PRSS41: variants seen among roughly 807,000 people sequenced by gnomAD.
PRSS41 encodes the protein protease, serine 41.
A neutral mutation model predicts 28.8 loss-of-function variants in PRSS41; 37 were observed. The ratio of observed to expected loss-of-function variants is 1.29; its 90% confidence interval spans 0.99 to 1.69. PRSS41 has a LOEUF of 1.69. Among genes scored for constraint, PRSS41 ranks in the 40% most tolerant of loss-of-function variants. The pLI is 0.00. For synonymous variants in PRSS41, 195 were observed against 163.1 expected, an observed-to-expected ratio of 1.20 and a Z score of -1.49; for missense variants, 431 against 400.7, an observed-to-expected ratio of 1.08 and a Z score of -0.65.
chr16:2,799,094 G>A lies in PRSS41; in HGVS notation c.227G>A (p.Trp76Ter), dbSNP rs929713558. 28 of 1,532,092 alleles carry A rather than the reference G, an allele frequency of 1.8e-5. No individual in the cohort carries two copies. In the Admixed American group the frequency reaches 5.6e-4, roughly 31 times the overall value. 94.9% of individuals were successfully genotyped at this position (1,532,092 alleles called of 1,614,324 possible). The change falls in exon 3 of 6, where the codon TGG becomes TAG. Residue 76 changes from tryptophan (W) to a stop codon, truncating the protein, a stop_gained. Coordinates refer to ENST00000399677, the Ensembl canonical transcript of PRSS41. LOFTEE classifies it high-confidence loss of function. ...GGAGGGAGCCTGCTCAGCCGCCGCT[G>A]GGTGCTCTCGGCTGCGCACTGCTTC...
chr16:2,804,867 C>A, intron 5 of PRSS41, 47 bp from the exon 6 acceptor site: 1 of 1,448,972 alleles, frequency 6.9e-7, no homozygotes, highest in Admixed American at 2.0e-5. Context: ...GCCTCTGCTG[C>A]CCCACCCACT....
chr16:2,801,900 C>G (rs1277889570), intron 4 of PRSS41, among the ~76,000 whole-genome samples: 4 of 152,006 alleles, frequency 2.6e-5, no homozygotes, highest in African/African-American at 9.7e-5. Context: ...GGGCTCCTCA[C>G]TTCCCAGTAG....
Position 2,798,556 on chromosome 16 carries a change from C to A in PRSS41, c.64+8C>A, listed in dbSNP as rs1384890833. On this transcript the variant is annotated splice_region_variant and intron_variant, in intron 1 of 5. Coordinates refer to ENST00000399677, the Ensembl canonical transcript of PRSS41. The stretch of plus-strand genomic sequence containing the variant: ...CTGGACTCGGGAAGCCGGGTGAGCT[C>A]GGGGCGCTACAGGCGGGACCGGGGG... 1 of 1,533,232 alleles carries A rather than the reference C, an allele frequency of 6.5e-7. No individual in the cohort carries two copies. 95.0% of individuals were successfully genotyped at this position (1,533,232 alleles called of 1,614,324 possible). A position where few individuals can be genotyped will look rare whatever the true frequency, so the allele number is the denominator to read the frequency against.
exon 5 of PRSS41, chr16:2,804,461 T>C (rs781655297): frequency 6.4e-7 from 1 of 1,551,682 alleles, no homozygotes; most frequent in Non-Finnish European, 8.7e-7. Context: ...TGTAATTACC[T>C]GTTTGAACAG....
exon 1 of PRSS41, chr16:2,798,508 G>A: frequency 7.6e-7 from 1 of 1,310,574 alleles, no homozygotes; most frequent in Non-Finnish European, 1.1e-6. Flanking sequence ...GGGCGCTGCT[G>A]CTGGCGCTGC....
At chr16:2,801,174 T>C (rs1596309497) in intron 4 of PRSS41, among the ~76,000 whole-genome samples, 1 of 152,338 alleles carries the variant, frequency 6.6e-6, no homozygotes, top group Non-Finnish European at 1.5e-5. Context: ...TATTAACATC[T>C]CCAACTATTG....
At chr16:2,800,725 A>G (rs2068980526) in intron 4 of PRSS41, among the ~76,000 whole-genome samples, 1 of 152,144 alleles carries the variant, frequency 6.6e-6, no homozygotes, top group Non-Finnish European at 1.5e-5. Flanking sequence ...CTGAGGCTAC[A>G]CTAAATTTAC....
chr16:2,801,182 T>C (rs1247503778), intron 4 of PRSS41, among the ~76,000 whole-genome samples: 2 of 152,234 alleles, frequency 1.3e-5, no homozygotes, highest in African/African-American at 4.8e-5. Context: ...TCTCCAACTA[T>C]TGTTGTAGAA....
At chr16:2,801,912 G>C (rs1185946182) in intron 4 of PRSS41, among the ~76,000 whole-genome samples, 1 of 151,274 alleles carries the variant, frequency 6.6e-6, no homozygotes, top group Non-Finnish European at 1.5e-5. Context: ...TCCCAGTAGG[G>C]GCGGCCGGGC....
At chr16:2,799,543 G>A (rs2068972891) in exon 4 of PRSS41, 1 of 1,551,648 alleles carries the variant, frequency 6.4e-7, no homozygotes, top group Non-Finnish European at 8.7e-7. Flanking sequence ...TGGGTGACCG[G>A]CTGGGGGTTA....
chr16:2,802,074 C>G (rs2068991465), intron 4 of PRSS41, among the ~76,000 whole-genome samples: 3 of 147,690 alleles, frequency 2.0e-5, no homozygotes, highest in African/African-American at 7.6e-5. Context: ...AGATGCTCCT[C>G]ACTTCCCAGA....
chr16:2,804,454 A>T (rs1204564147), exon 5 of PRSS41: 3 of 1,551,634 alleles, frequency 1.9e-6, no homozygotes, highest in Non-Finnish European at 2.6e-6. Flanking sequence ...CACCAGGTGT[A>T]ATTACCTGTT....
chr16:2,798,942 C>T lies in PRSS41; in HGVS notation c.92-17C>T, dbSNP rs1308654153. The T allele has an allele frequency of 2.2e-6, 3 of 1,366,930 alleles. No homozygotes were observed. Among genetic ancestry groups the T allele is most frequent in the Non-Finnish European group, 2.9e-6 (3 of 1,018,378 alleles). 84.7% of individuals were successfully genotyped at this position (1,366,930 alleles called of 1,614,324 possible). A position where few individuals can be genotyped will look rare whatever the true frequency, so the allele number is the denominator to read the frequency against. On this transcript the variant is annotated splice_polypyrimidine_tract_variant and intron_variant, in intron 2 of 5. Transcript: ENST00000399677. Reference sequence around the variant, plus strand: ...ACCCCACCCGGCAGCTCAGCCGCGTCCGTCTGTCCATCCCAGAGGCCTGCG... The same window carrying T: ...ACCCCACCCGGCAGCTCAGCCGCGTTCGTCTGTCCATCCCAGAGGCCTGCG...
chr16:2,798,964 T>G, exon 3 of PRSS41: 1 of 1,389,266 alleles, frequency 7.2e-7, no homozygotes, highest in Non-Finnish European at 9.5e-7. Context: ...CCCAGAGGCC[T>G]GCGGCCACCG....
At chr16:2,800,486 C>T (rs539917157) in intron 4 of PRSS41, among the ~76,000 whole-genome samples, 5 of 143,478 alleles carry the variant, frequency 3.5e-5, no homozygotes, top group African/African-American at 1.3e-4. Context: ...GAGGTTTCAG[C>T]GAGCCGAGAT....
chr16:2,802,105 G>C (rs1231758489), intron 4 of PRSS41, among the ~76,000 whole-genome samples: 3 of 151,068 alleles, frequency 2.0e-5, no homozygotes, highest in Non-Finnish European at 4.4e-5. Context: ...GCCGGGCGGA[G>C]AGGCTCCTCA....
At chr16:2,802,584 T>C (rs2068996570) in intron 4 of PRSS41, among the ~76,000 whole-genome samples, 1 of 152,230 alleles carries the variant, frequency 6.6e-6, no homozygotes, top group Admixed American at 6.5e-5. Flanking sequence ...CACTCCAGCC[T>C]GGGCACCATT....
exon 6 of PRSS41, chr16:2,804,981 G>C (rs1446077315): frequency 6.9e-6 from 11 of 1,586,458 alleles, no homozygotes; most frequent in Non-Finnish European, 9.4e-6. Flanking sequence ...ATCGTGAGCT[G>C]GGGAATGGAC....
exon 4 of PRSS41, chr16:2,799,442 G>A: frequency 6.4e-7 from 1 of 1,552,226 alleles, no homozygotes; most frequent in Non-Finnish European, 8.7e-7. Flanking sequence ...TTGCCCTGCT[G>A]AGACTGGCCT....
Sources: allele counts gnomAD v4.1 joint callset (sites outside exome capture counted in the v4.1 genomes callset), GRCh38; gene constraint gnomAD v4.1.1; transcripts MANE v1.5; gene names NCBI Gene and HGNC (gene_info 2026-07-23, HGNC 2026-07-21).